FBXL7: variants seen among roughly 807,000 people sequenced by gnomAD.
The protein encoded by FBXL7 is F-box and leucine rich repeat protein 7, also known as F-box/LRR-repeat protein 7.
A neutral mutation model predicts 38.3 loss-of-function variants in FBXL7; 12 were observed. The ratio of observed to expected loss-of-function variants is 0.31; its 90% CI spans 0.20 to 0.51. FBXL7 has a LOEUF of 0.51. Ranked by LOEUF, FBXL7 falls within the 20% of genes least tolerant of loss-of-function variation. The pLI is 0.98. For missense variants in FBXL7, 567 were observed against 676.4 expected (o/e 0.84, Z 1.79); for synonymous variants, 297 against 300.9 (o/e 0.99, Z 0.13).
At chr5:15,740,148 T>C (rs926823885) in intron 2 of FBXL7, among the ~76,000 whole-genome samples, 5 of 152,182 alleles carry the variant, frequency 3.3e-5, no homozygotes, top group Non-Finnish European at 5.9e-5. Flanking sequence ...ATGGGAAGAA[T>C]ACCCCATAAC....
At chr5:15,897,288 G>A (rs1402043675) in intron 2 of FBXL7, among the ~76,000 whole-genome samples, 4 of 152,070 alleles carry the variant, frequency 2.6e-5, no homozygotes, top group African/African-American at 9.7e-5. Flanking sequence ...AGATTTTAAG[G>A]AACTAAATCT....
intron 2 of FBXL7, among the ~76,000 whole-genome samples, chr5:15,629,758 A>G (rs1311127999): frequency 1.4e-4 from 21 of 152,160 alleles, no homozygotes. Flanking sequence ...CATTTAATAC[A>G]CATTTGATAA....
At chr5:15,854,861 A>C (rs148198196) in intron 2 of FBXL7, among the ~76,000 whole-genome samples, 18 of 152,280 alleles carry the variant, frequency 1.2e-4, no homozygotes, top group African/African-American at 4.3e-4. Flanking sequence ...AAACTATTCG[A>C]TCATAACAGA....
chr5:15,898,393 G>C (rs1336101172), intron 2 of FBXL7, among the ~76,000 whole-genome samples: 5 of 152,198 alleles, frequency 3.3e-5, no homozygotes, highest in African/African-American at 1.2e-4. Flanking sequence ...TATAGGGGTA[G>C]TGCAATGTCA....
chr5:15,524,077 T>A (rs1479439960), intron 1 of FBXL7, among the ~76,000 whole-genome samples: 33 of 152,192 alleles, frequency 2.2e-4, no homozygotes. Context: ...TGTTGTTATC[T>A]AACCAAATAA....
At chr5:15,594,539 C>T (rs963898445) in intron 1 of FBXL7, among the ~76,000 whole-genome samples, 1 of 152,154 alleles carries the variant, frequency 6.6e-6, no homozygotes, top group African/African-American at 2.4e-5. Flanking sequence ...AGCATGACTG[C>T]TACTCCCAGC....
At chr5:15,761,340 A>G (rs1489746686) in intron 2 of FBXL7, among the ~76,000 whole-genome samples, 1 of 152,146 alleles carries the variant, frequency 6.6e-6, no homozygotes, top group Non-Finnish European at 1.5e-5. Context: ...GATTGCCATG[A>G]ACAGGGACTC....
intron 2 of FBXL7, among the ~76,000 whole-genome samples, chr5:15,793,695 A>G (rs1463314553): frequency 2.0e-5 from 3 of 152,188 alleles, no homozygotes; most frequent in Admixed American, 1.3e-4. Flanking sequence ...AGACCTGCCT[A>G]GACTGATTTC....
At position 15,665,773 on chromosome 5, in the gene FBXL7, G is replaced by A. The variant is rs180846915; in HGVS notation, c.127+49701G>A. ...AATTATTAGATCATAATGTATTTGC[G>A]CTCAAAGTATCTGCCAAGTCATTTT... On this transcript the variant is annotated intron_variant, in intron 2 of 3. Transcript: ENST00000504595. 1.3e-4 allele frequency among the ~76,000 whole-genome samples: 20 copies of A among 152,160 alleles called. 1 individual carries two copies. Among genetic ancestry groups the A allele is most frequent in the South Asian group, 4.1e-4 (2 of 4,824 alleles).
intron 1 of FBXL7, among the ~76,000 whole-genome samples, chr5:15,584,497 CTCT>C (rs1339260455): frequency 6.6e-6 from 1 of 152,178 alleles, no homozygotes. Flanking sequence ...GTGACCTTTG[CTCT>C]AGTTTCCAGT....
chr5:15,924,749 C>T (rs1035272826), intron 2 of FBXL7, among the ~76,000 whole-genome samples: 1 of 151,748 alleles, frequency 6.6e-6, no homozygotes, highest in Non-Finnish European at 1.5e-5. Context: ...GCCTCACCCT[C>T]CTGAGTAGCT....
intron 2 of FBXL7, among the ~76,000 whole-genome samples, chr5:15,699,103 T>C (rs1417986780): frequency 6.6e-6 from 1 of 152,180 alleles, no homozygotes; most frequent in Non-Finnish European, 1.5e-5. Context: ...CTGTGGCACT[T>C]CAGGTGAGAA....
chr5:15,500,664 T>A lies in FBXL7; in HGVS notation c.-13T>A. 6.2e-7 allele frequency: 1 copy of A among 1,613,194 alleles called. No individual in the cohort carries two copies. Among genetic ancestry groups the A allele is most frequent in the South Asian group, 1.1e-5 (1 of 91,070 alleles). On this transcript the variant is annotated 5_prime_UTR_variant, in exon 1 of 4. The change abolishes an upstream ATG in the 5' untranslated region. Coordinates refer to ENST00000504595, the MANE Select transcript of FBXL7 (RefSeq NM_012304.5). ...GGAGTGTCCCGGGAGACGGCGGGCA[T>A]GACGGCTACAGGATGGGCGCGAACA...
chr5:15,695,887 C>T (rs986828599), intron 2 of FBXL7, among the ~76,000 whole-genome samples: 1 of 152,172 alleles, frequency 6.6e-6, no homozygotes, highest in South Asian at 2.1e-4. Context: ...GCTGAGTTCT[C>T]CTGTTTCTAG....
intron 1 of FBXL7, among the ~76,000 whole-genome samples, chr5:15,579,669 C>T (rs1739074978): frequency 1.3e-5 from 2 of 152,066 alleles, no homozygotes; most frequent in Admixed American, 1.3e-4. Flanking sequence ...TGATCTCTTT[C>T]AGTTCTTGTG....
At position 15,553,612 on chromosome 5, in the gene FBXL7, A is replaced by T. The variant is rs547381225; in HGVS notation, c.37+52899A>T. 2.0e-5 allele frequency among the ~76,000 whole-genome samples: 3 copies of T among 152,352 alleles called. No individual in the cohort carries two copies. In the South Asian group the frequency reaches 6.2e-4, roughly 32 times the overall value. On this transcript the variant is annotated intron_variant, in intron 1 of 3. Coordinates refer to ENST00000504595, the MANE Select transcript of FBXL7 (RefSeq NM_012304.5). ...GTAGGTCTTCATTAACAAATGAATA[A>T]ATCTCTGTTTTACAGATGAGCAAGC...
chr5:15,818,981 G>A (rs907957962), intron 2 of FBXL7, among the ~76,000 whole-genome samples: 7 of 152,044 alleles, frequency 4.6e-5, no homozygotes, highest in African/African-American at 7.2e-5. Flanking sequence ...GTTGTTTATC[G>A]TTAATGTCCA....
chr5:15,657,238 T>A (rs1284670969), intron 2 of FBXL7, among the ~76,000 whole-genome samples: 1 of 152,292 alleles, frequency 6.6e-6, no homozygotes, highest in Non-Finnish European at 1.5e-5. Flanking sequence ...TTATAAAGTA[T>A]ATATGGAAGA....
intron 2 of FBXL7, among the ~76,000 whole-genome samples, chr5:15,768,446 G>C (rs558783766): frequency 6.6e-6 from 1 of 151,722 alleles, no homozygotes; most frequent in African/African-American, 2.4e-5. Flanking sequence ...CAGGAGAATC[G>C]CTTGAATCTG....
Sources: gnomAD v4.1 joint callset for allele counts (sites outside exome capture counted in the v4.1 genomes callset) on GRCh38, gnomAD v4.1.1 for gene constraint, MANE v1.5 for transcripts, NCBI Gene and HGNC (gene_info 2026-07-23, HGNC 2026-07-21) for gene names.